The following CNTNAP2 variants were observed in gnomAD, a reference collection of about 807,000 sequenced individuals.
The protein encoded by CNTNAP2 is contactin-associated protein-like 2.
A neutral mutation model predicts 155.2 loss-of-function variants in CNTNAP2; 98 were observed. The ratio of observed to expected loss-of-function variants is 0.63; its 90% CI spans 0.54 to 0.75. The LOEUF (loss-of-function observed/expected upper bound fraction) is 0.75. Among genes scored for constraint, CNTNAP2 ranks in the 30% least tolerant of loss-of-function variants. The pLI, the probability that CNTNAP2 is intolerant of heterozygous loss-of-function variation, is 0.00. For synonymous variants in CNTNAP2, 651 were observed against 631.2 expected (o/e 1.03, Z -0.47); for missense variants, 1,727 against 1,688.1 (o/e 1.02, Z -0.40).
chr7:146,226,705 A>ACGTT (rs959474192), intron 1 of CNTNAP2, among the ~76,000 whole-genome samples: 2 of 151,978 alleles, frequency 1.3e-5, no homozygotes, highest in Non-Finnish European at 2.9e-5. Context: ...ACAAACAAAC[A>ACGTT]CGTTCTGGAA....
intron 3 of CNTNAP2, among the ~76,000 whole-genome samples, chr7:146,930,726 A>T (rs1344342520): frequency 6.6e-6 from 1 of 152,176 alleles, no homozygotes; most frequent in East Asian, 1.9e-4. Flanking sequence ...GCTCAAAATA[A>T]AAGGATGGAG....
At chr7:147,924,734 A>G (rs1344764426) in intron 14 of CNTNAP2, among the ~76,000 whole-genome samples, 2 of 152,286 alleles carry the variant, frequency 1.3e-5, no homozygotes, top group East Asian at 3.9e-4. Context: ...ATGTAAGCCC[A>G]GTCTTAGACT....
chr7:146,468,307 G>A (rs1170520812), intron 1 of CNTNAP2, among the ~76,000 whole-genome samples: 1 of 152,096 alleles, frequency 6.6e-6, no homozygotes, highest in Non-Finnish European at 1.5e-5. Flanking sequence ...AGAGGGGCAA[G>A]ATTTGAAAAC....
At chr7:146,572,673 A>T (rs1798461009) in intron 1 of CNTNAP2, among the ~76,000 whole-genome samples, 2 of 152,198 alleles carry the variant, frequency 1.3e-5, no homozygotes, top group Admixed American at 6.5e-5. Flanking sequence ...TATGGTTGTC[A>T]AAACTATAAT....
At chr7:147,860,298 G>T (rs866493042) in intron 13 of CNTNAP2, among the ~76,000 whole-genome samples, 1 of 152,052 alleles carries the variant, frequency 6.6e-6, no homozygotes, top group African/African-American at 2.4e-5. Context: ...GGTGGTCTGC[G>T]CCTGTAATCC....
chr7:147,925,290 GCGCACA>G (rs750313676), intron 14 of CNTNAP2, among the ~76,000 whole-genome samples: 2 of 68,938 alleles, frequency 2.9e-5, no homozygotes, highest in South Asian at 5.3e-4. Flanking sequence ...ACAAGCGCGC[GCGCACA>G]CACACACACA....
rs543136907 is a variant in CNTNAP2, at chr7:147,811,909, G to A, written c.2099-91656G>A. Among the ~76,000 whole-genome samples the A allele has an allele frequency of 4.5e-4, 69 of 152,188 alleles. No individual in the cohort carries two copies. In the South Asian group the frequency reaches 0.013, roughly 30 times the overall value. ...CCATGTGGGTCCTGCATTCTAATGG[G>A]GAAAGAGAGGCTGATAAATACTAAA... On this transcript the variant is annotated intron_variant, in intron 13 of 23. Transcript: ENST00000361727.
chr7:147,061,457 T>C (rs1799668700), intron 4 of CNTNAP2, among the ~76,000 whole-genome samples: 1 of 150,988 alleles, frequency 6.6e-6, no homozygotes, highest in African/African-American at 2.5e-5. Context: ...AGCTTCCATC[T>C]TGCTGTTCTT....
chr7:147,449,297 G>A (rs1797792257), intron 10 of CNTNAP2, among the ~76,000 whole-genome samples: 1 of 152,132 alleles, frequency 6.6e-6, no homozygotes. Context: ...AAGCATGACT[G>A]AGGAGTCATT....
chr7:147,841,294 A>G (rs1243979596), intron 13 of CNTNAP2, among the ~76,000 whole-genome samples: 2 of 152,196 alleles, frequency 1.3e-5, no homozygotes, highest in East Asian at 1.9e-4. Flanking sequence ...CAGTGTTGAG[A>G]GAGGTAATCG....
intron 15 of CNTNAP2, among the ~76,000 whole-genome samples, chr7:148,016,102 G>A (rs1324518973): frequency 6.6e-6 from 1 of 152,202 alleles, no homozygotes; most frequent in African/African-American, 2.4e-5. Flanking sequence ...GGCTCCAAAT[G>A]TTAAAGCACA....
intron 8 of CNTNAP2, among the ~76,000 whole-genome samples, chr7:147,219,801 A>G (rs575874039): frequency 6.6e-6 from 1 of 152,082 alleles, no homozygotes; most frequent in Non-Finnish European, 1.5e-5. Flanking sequence ...TGTTGTTGAG[A>G]CGGACTCTCT....
At chr7:146,747,489 G>C (rs1260803896) in intron 1 of CNTNAP2, among the ~76,000 whole-genome samples, 1 of 152,120 alleles carries the variant, frequency 6.6e-6, no homozygotes, top group African/African-American at 2.4e-5. Flanking sequence ...ATGTCTGTCA[G>C]AATGATTTTG....
intron 13 of CNTNAP2, among the ~76,000 whole-genome samples, chr7:147,886,960 G>A (rs1470405262): frequency 1.3e-5 from 2 of 152,112 alleles, no homozygotes; most frequent in African/African-American, 4.8e-5. Flanking sequence ...CCCTCTGTCT[G>A]TTAGGCAGAA....
At chr7:147,150,123 G>C (rs1484083607) in intron 8 of CNTNAP2, among the ~76,000 whole-genome samples, 2 of 152,158 alleles carry the variant, frequency 1.3e-5, no homozygotes, top group East Asian at 3.9e-4. Flanking sequence ...TGTCAGTTAG[G>C]GATGTGAGTC....
At chr7:146,248,900 G>A (rs1799710819) in intron 1 of CNTNAP2, among the ~76,000 whole-genome samples, 1 of 152,152 alleles carries the variant, frequency 6.6e-6, no homozygotes, top group Non-Finnish European at 1.5e-5. Context: ...GGCAGGCTGA[G>A]TCCGAAAAGA....
At chr7:147,468,074 A>C (rs1389119914) in intron 10 of CNTNAP2, among the ~76,000 whole-genome samples, 2 of 152,078 alleles carry the variant, frequency 1.3e-5, no homozygotes, top group Non-Finnish European at 2.9e-5. Flanking sequence ...TCTTGAGGCC[A>C]GGAGTTCAAG....
intron 1 of CNTNAP2, among the ~76,000 whole-genome samples, chr7:146,156,971 G>A (rs994051196): frequency 1.3e-5 from 2 of 152,192 alleles, no homozygotes; most frequent in Non-Finnish European, 1.5e-5. Context: ...GCTGTGCAGA[G>A]TTTAAATCCA....
At chr7:148,085,317 T>G (rs1803702477) in intron 15 of CNTNAP2, among the ~76,000 whole-genome samples, 4 of 152,220 alleles carry the variant, frequency 2.6e-5, no homozygotes, top group Middle Eastern at 3.2e-3. Flanking sequence ...TGATGATTCT[T>G]AAGGATTGAG....
Sources: allele counts gnomAD v4.1 joint callset (sites outside exome capture counted in the v4.1 genomes callset), GRCh38; gene constraint gnomAD v4.1.1; transcripts MANE v1.5; gene names NCBI Gene and HGNC (gene_info 2026-07-23, HGNC 2026-07-21).